SVOPL: variants seen among roughly 807,000 people sequenced by gnomAD.
SVOPL encodes the protein putative transporter SVOPL.
A neutral mutation model predicts 61.0 loss-of-function variants in SVOPL; 60 were observed. That is an observed-to-expected ratio of 0.98 (90% CI 0.80 to 1.22). The LOEUF (loss-of-function observed/expected upper bound fraction) is 1.22, where lower values mean the gene tolerates loss of function less well. Ranked by LOEUF, SVOPL falls within the 50% of genes most tolerant of loss-of-function variation. The pLI, the probability that SVOPL is intolerant of heterozygous loss-of-function variation, is 0.00. For synonymous variants in SVOPL, 279 were observed against 250.0 expected (o/e 1.12, Z -1.09); for missense variants, 662 against 643.9 (o/e 1.03, Z -0.30).
Position 138,608,696 on chromosome 7 carries a change from C to A in SVOPL, c.1354-12166G>T, listed in dbSNP as rs546526121. Reference sequence around the variant, plus strand: ...TTCAATCAAAAGTGTACACTCCCCCCCCTTGCCCTCTCAAAAAAGAAAATG... The same window carrying A: ...TTCAATCAAAAGTGTACACTCCCCCACCTTGCCCTCTCAAAAAAGAAAATG... On this transcript the variant is annotated intron_variant, in intron 14 of 15. Coordinates refer to ENST00000674285, the MANE Select transcript of SVOPL (RefSeq NM_001139456.2). 1.3e-4 allele frequency among the ~76,000 whole-genome samples: 20 copies of A among 152,188 alleles called. No homozygotes were observed. In the South Asian group the frequency reaches 2.3e-3, roughly 17 times the overall value.
chr7:138,637,448 A>C (rs1212789446), intron 9 of SVOPL, among the ~76,000 whole-genome samples: 1 of 9,520 alleles, frequency 1.1e-4, no homozygotes, highest in African/African-American at 7.7e-4. Flanking sequence ...ATATAGATAG[A>C]TAGATAGATA....
At chr7:138,653,498 T>C (rs867735499) in intron 7 of SVOPL, among the ~76,000 whole-genome samples, 1 of 152,256 alleles carries the variant, frequency 6.6e-6, no homozygotes, top group South Asian at 2.1e-4. Context: ...CTAGGGCCCT[T>C]AAGAATTATG....
At chr7:138,605,420 G>A (rs569604190) in intron 14 of SVOPL, among the ~76,000 whole-genome samples, 1 of 152,114 alleles carries the variant, frequency 6.6e-6, no homozygotes, top group East Asian at 1.9e-4. Flanking sequence ...CTAGCACTTT[G>A]GGAGGCCGAG....
At position 138,662,420 on chromosome 7, in the gene SVOPL, C is replaced by A. The variant is rs537134976; in HGVS notation, c.345+654G>T. On this transcript the variant is annotated intron_variant, in intron 5 of 15. Transcript: ENST00000674285. The stretch of plus-strand genomic sequence containing the variant: ...CAAAATTAAGGGAGACTTGCTCCCT[C>A]CCAACCTACTTGGGTGCTCTGGGGG... 49 of 985,432 alleles carry A rather than the reference C, an allele frequency of 5.0e-5. No individual in the cohort carries two copies. In the African/African-American group the frequency reaches 8.4e-4, roughly 17 times the overall value. The allele number at this position is 985,432 out of a possible 1,614,324, so 61.0% of individuals were successfully genotyped here.
intron 1 of SVOPL, among the ~76,000 whole-genome samples, chr7:138,690,854 C>T (rs1278865443): frequency 6.6e-6 from 1 of 152,116 alleles, no homozygotes; most frequent in Non-Finnish European, 1.5e-5. Context: ...CTCACTTCAG[C>T]CTCTGCCTCC....
chr7:138,607,891 G>C (rs1322855678), intron 14 of SVOPL, among the ~76,000 whole-genome samples: 5 of 152,218 alleles, frequency 3.3e-5, no homozygotes, highest in African/African-American at 9.6e-5. Flanking sequence ...AAAGTATTAG[G>C]AATGCATTCA....
chr7:138,646,119 G>GT (rs1021228540), intron 8 of SVOPL: 1 of 195,550 alleles, frequency 5.1e-6, no homozygotes, highest in African/African-American at 2.4e-5. Context: ...CGGCTGGCTT[G>GT]TTTTTCTGAT....
intron 4 of SVOPL, among the ~76,000 whole-genome samples, chr7:138,664,527 C>A: frequency 6.8e-6 from 1 of 147,086 alleles, no homozygotes; most frequent in Non-Finnish European, 1.5e-5. Context: ...GCGCGCCTAA[C>A]CCTCGAGCAC....
chr7:138,604,048 C>T (rs1798645770), intron 14 of SVOPL, among the ~76,000 whole-genome samples: 1 of 146,084 alleles, frequency 6.8e-6, no homozygotes, highest in African/African-American at 2.5e-5. Context: ...ACTGCAGTGT[C>T]GACCTCCTGG....
At chr7:138,648,571 G>C (rs537964988) in intron 8 of SVOPL, among the ~76,000 whole-genome samples, 3 of 151,390 alleles carry the variant, frequency 2.0e-5, no homozygotes, top group Non-Finnish European at 4.4e-5. Context: ...AGTCAGGCGC[G>C]GTGGTGGGCG....
intron 5 of SVOPL, chr7:138,660,401 CAGA>C: frequency 3.0e-6 from 3 of 985,788 alleles, no homozygotes; most frequent in Non-Finnish European, 2.4e-6. Context: ...GTAAACAATA[CAGA>C]AGAAAAAAGA....
At position 138,629,264 on chromosome 7, in the gene SVOPL, G is replaced by T. The variant is rs192970056; in HGVS notation, c.863+785C>A. Among the ~76,000 whole-genome samples, 989 of 144,462 alleles carry T rather than the reference G, an allele frequency of 6.8e-3. 11 individuals carry two copies. Among genetic ancestry groups the T allele is most frequent in the African/African-American group, 0.024 (938 of 38,824 alleles). 94.8% of individuals were successfully genotyped at this position (144,462 alleles called of 152,430 possible). On this transcript the variant is annotated intron_variant, in intron 10 of 15. Coordinates refer to ENST00000674285, the MANE Select transcript of SVOPL (RefSeq NM_001139456.2). ...TTTTTTTTTTTTGAGACAGTTTCAT[G>T]CTGTCACCCAGGCTTGAGTGCAGTG...
rs1554457372 is a variant in SVOPL at position 138,622,294 on chromosome 7, C to CTATCTATCTATCTATCTATG, written c.1264-1160_1264-1159insCATAGATAGATAGATAGATA. Among the ~76,000 whole-genome samples, 188 of 103,052 alleles carry CTATCTATCTATCTATCTATG rather than the reference C, an allele frequency of 1.8e-3. 15 individuals carry two copies. Among genetic ancestry groups the CTATCTATCTATCTATCTATG allele is most frequent in the African/African-American group, 4.4e-3 (121 of 27,208 alleles). The allele number at this position is 103,052 out of a possible 152,430, so 67.6% of individuals were successfully genotyped here. On this transcript the variant is annotated intron_variant, in intron 13 of 15. Transcript: ENST00000674285. ...TGTATCTATCTATCTATCTATCTAT[C>CTATCTATCTATCTATCTATG]TATCTATCTATCTATCTATCGACAG...
At chr7:138,673,300 C>T (rs1802476727) in intron 3 of SVOPL, among the ~76,000 whole-genome samples, 1 of 152,028 alleles carries the variant, frequency 6.6e-6, no homozygotes, top group Admixed American at 6.6e-5. Flanking sequence ...TAGTGGTGTC[C>T]AGAGTTCAGA....
intron 13 of SVOPL, among the ~76,000 whole-genome samples, chr7:138,622,062 C>G (rs944669660): frequency 3.0e-3 from 174 of 58,654 alleles, no homozygotes; most frequent in Admixed American, 4.5e-3. Context: ...ATGTATCTAT[C>G]TATCTATGTA....
chr7:138,668,856 C>T (rs1241080002), intron 4 of SVOPL, among the ~76,000 whole-genome samples: 2 of 152,196 alleles, frequency 1.3e-5, no homozygotes, highest in African/African-American at 2.4e-5. Flanking sequence ...CTCTCACTGT[C>T]TTACAGAATT....
chr7:138,672,153 C>G (rs1174751311), intron 3 of SVOPL, 36 bp from the exon 4 acceptor site: 1 of 1,536,164 alleles, frequency 6.5e-7, no homozygotes, highest in African/African-American at 1.4e-5. Context: ...TGTCTAAGTG[C>G]CAGCTTGTCA....
intron 14 of SVOPL, 120 bp downstream of exon 14, chr7:138,620,926 C>T (rs1799535257): frequency 1.1e-6 from 1 of 905,018 alleles, no homozygotes; most frequent in Admixed American, 2.5e-5. Context: ...GAAACGGCAC[C>T]TCCAGAAAAC....
intron 3 of SVOPL, among the ~76,000 whole-genome samples, chr7:138,677,930 T>C (rs1365531887): frequency 6.6e-6 from 1 of 151,942 alleles, no homozygotes; most frequent in African/African-American, 2.4e-5. Flanking sequence ...GCCCAGCTAA[T>C]TTTTGTGTTT....
Sources: allele counts gnomAD v4.1 joint callset (sites outside exome capture counted in the v4.1 genomes callset), GRCh38; gene constraint gnomAD v4.1.1; transcripts MANE v1.5; gene names NCBI Gene and HGNC (gene_info 2026-07-23, HGNC 2026-07-21).